EHMT1: variants seen among roughly 807,000 people sequenced by gnomAD.
EHMT1 encodes the protein euchromatic histone lysine methyltransferase 1.
In EHMT1, 15 loss-of-function variants were observed where a neutral mutation model predicts 147.2. That is an observed-to-expected ratio of 0.10 (90% confidence interval 0.07 to 0.16). The LOEUF is 0.16. Among genes scored for constraint, EHMT1 ranks in the 10% least tolerant of loss-of-function variants. The pLI, the probability that EHMT1 is intolerant of heterozygous loss-of-function variation, is 1.00. For synonymous variants in EHMT1, 795 were observed against 709.6 expected (o/e 1.12, Z -1.91); for missense variants, 1,587 against 1,772.4 (o/e 0.90, Z 1.88).
chr9:137,792,937 C>T lies in EHMT1; in HGVS notation c.2505+1967C>T, dbSNP rs758728100. On this transcript the variant is annotated intron_variant, in intron 16 of 26. Transcript: ENST00000460843. Reference sequence around the variant, plus strand: ...AAGACAGCCACCCCCTTGCCTGTCACGCACTCACGTTCGTAGGGAACCTGG... The same window carrying T: ...AAGACAGCCACCCCCTTGCCTGTCATGCACTCACGTTCGTAGGGAACCTGG... 3.3e-5 allele frequency among the ~76,000 whole-genome samples: 5 copies of T among 152,168 alleles called. No individual in the cohort carries two copies. The South Asian group carries it at 6.2e-4, about 19-fold the overall frequency.
intron 15 of EHMT1, chr9:137,784,055 G>C: frequency 1.1e-6 from 1 of 883,212 alleles, no homozygotes; most frequent in South Asian, 1.4e-5. Flanking sequence ...AGCTATAAGA[G>C]AATACTTGAG....
intron 1 of EHMT1, among the ~76,000 whole-genome samples, chr9:137,708,298 G>C (rs2135332028): frequency 6.6e-6 from 1 of 152,342 alleles, no homozygotes; most frequent in Admixed American, 6.5e-5. Context: ...ATAGACATGT[G>C]GTTGGCAAGG....
At chr9:137,812,931 AT>A in intron 19 of EHMT1, 74 bp from the exon 20 acceptor site, 1 of 1,585,760 alleles carries the variant, frequency 6.3e-7, no homozygotes, top group Non-Finnish European at 8.6e-7. Context: ...GATGACGGAC[AT>A]TTTATAAATC....
chr9:137,694,716 C>A (rs535955198), intron 1 of EHMT1, among the ~76,000 whole-genome samples: 1 of 152,202 alleles, frequency 6.6e-6, no homozygotes, highest in African/African-American at 2.4e-5. Flanking sequence ...ACGCGCCTAG[C>A]ACACAGGCAG....
intron 1 of EHMT1, among the ~76,000 whole-genome samples, chr9:137,689,597 G>A (rs1428604739): frequency 6.6e-6 from 1 of 152,188 alleles, no homozygotes; most frequent in Non-Finnish European, 1.5e-5. Flanking sequence ...CAGCTACTCA[G>A]GAGGCTGAGG....
intron 3 of EHMT1, among the ~76,000 whole-genome samples, chr9:137,717,893 C>T (rs1171838698): frequency 4.6e-5 from 7 of 152,208 alleles, no homozygotes; most frequent in South Asian, 2.1e-4. Context: ...AAGTGAGGGG[C>T]AAAGGGCCAC....
rs1027494813 is a variant in EHMT1 at position 137,628,307 on chromosome 9, A to G, written c.21+9258A>G. On this transcript the variant is annotated intron_variant, in intron 1 of 26. Transcript: ENST00000460843. The stretch of plus-strand genomic sequence containing the variant: ...CTTCCTATTTGTGTTCTATTTAGGG[A>G]TTTCACATGTCTTGGGGTTTATGTG... 3.3e-5 allele frequency among the ~76,000 whole-genome samples: 5 copies of G among 151,992 alleles called. No homozygotes were observed. In the East Asian group the frequency reaches 7.7e-4, roughly 23 times the overall value.
At chr9:137,778,242 A>G (rs536838258) in intron 13 of EHMT1, among the ~76,000 whole-genome samples, 187 bp downstream of exon 13, 1 of 152,338 alleles carries the variant, frequency 6.6e-6, no homozygotes, top group Admixed American at 6.5e-5. Context: ...CATTATAGTA[A>G]GAGCAACCTC....
rs149871742 is a variant in EHMT1, at chr9:137,743,970, G to A, written c.1050G>A (p.Glu350=). 22 of 1,613,806 alleles carry A rather than the reference G, an allele frequency of 1.4e-5. No individual in the cohort carries two copies. Among genetic ancestry groups the A allele is most frequent in the Non-Finnish European group, 1.6e-5 (19 of 1,179,952 alleles). ...AGAGCCTGGAGATGGACTCGGATGAGGACGACTCAGAGGAGCTCGAGGAGG... is the reference window on the plus strand; with the variant it reads ...AGAGCCTGGAGATGGACTCGGATGAAGACGACTCAGAGGAGCTCGAGGAGG... ...NGESLEMDSD[E]DDSEELEEDD... is the part of the protein sequence containing the mutation. Residue 350 remains glutamate (E), a synonymous_variant, in exon 6 of 27, where the codon GAG becomes GAA. Transcript: ENST00000460843.
At chr9:137,738,908 G>T (rs1947800696) in intron 4 of EHMT1, 1 of 152,340 alleles carries the variant, frequency 6.6e-6, no homozygotes, top group African/African-American at 2.4e-5. Flanking sequence ...GGAATGGAGA[G>T]TTAGGGCTTA....
chr9:137,648,491 C>CA (rs397720797), intron 1 of EHMT1, among the ~76,000 whole-genome samples: 5,722 of 93,664 alleles, frequency 0.061, 166 homozygotes, highest in Middle Eastern at 0.11. Flanking sequence ...TCCTTCTCTC[C>CA]AAAAAAAAAA....
intron 7 of EHMT1, 25 bp from the exon 8 acceptor site, chr9:137,754,146 T>C: frequency 1.2e-6 from 2 of 1,613,982 alleles, no homozygotes; most frequent in Non-Finnish European, 8.5e-7. Context: ...TAGTGGTTTA[T>C]ATGCCTGCCC....
At chr9:137,698,051 G>C (rs1048555729) in intron 1 of EHMT1, among the ~76,000 whole-genome samples, 1 of 151,934 alleles carries the variant, frequency 6.6e-6, no homozygotes, top group Non-Finnish European at 1.5e-5. Flanking sequence ...TGAGGGCAGC[G>C]TGTGAGGGCG....
At chr9:137,702,725 C>G (rs1018287558) in intron 1 of EHMT1, among the ~76,000 whole-genome samples, 4 of 152,200 alleles carry the variant, frequency 2.6e-5, no homozygotes, top group Non-Finnish European at 5.9e-5. Context: ...CCAGTGGAGA[C>G]TCTATGTGGG....
chr9:137,682,525 C>T (rs1290722487), intron 1 of EHMT1, among the ~76,000 whole-genome samples: 2 of 152,160 alleles, frequency 1.3e-5, no homozygotes, highest in Non-Finnish European at 2.9e-5. Context: ...GCCAGAGTTG[C>T]AGGGCTGTGC....
At chr9:137,697,472 C>T (rs528378372) in intron 1 of EHMT1, among the ~76,000 whole-genome samples, 1 of 152,192 alleles carries the variant, frequency 6.6e-6, no homozygotes, top group Non-Finnish European at 1.5e-5. Flanking sequence ...CAGGGTCATA[C>T]AGTTTACCTA....
rs768149395 is a variant in EHMT1 at position 137,813,471 on chromosome 9, G to A, written c.3121G>A (p.Val1041Ile). The A allele has an allele frequency of 1.7e-5, 28 of 1,613,900 alleles. No individual in the cohort carries two copies. Among genetic ancestry groups the A allele is most frequent in the South Asian group, 3.3e-5 (3 of 91,050 alleles). The change falls in exon 21 of 27, where the codon GTC becomes ATC. Residue 1041 changes from valine (V) to isoleucine (I), a missense_variant. Val to Ile is a conservative substitution (Grantham distance 29). Coordinates refer to ENST00000460843, the MANE Select transcript of EHMT1 (RefSeq NM_024757.5). This position sits in a 1 kb window ranked among gnomAD's most constrained non-coding sequence, Gnocchi z 4.9. ...SEPCPSNYKYVSQNCVTSPMN... is the reference protein window; with the variant it reads ...SEPCPSNYKYISQNCVTSPMN... ...GCCATGCCCCAGCAACTACAAGTAC[G>A]TCTCTCAGAACTGCGTGACGTCCCC... is the stretch of plus-strand genomic sequence containing the variant.
At chr9:137,790,633 G>A (rs1425814418) in intron 15 of EHMT1, among the ~76,000 whole-genome samples, 3 of 152,182 alleles carry the variant, frequency 2.0e-5, no homozygotes, top group Non-Finnish European at 4.4e-5. Context: ...CTTAGAAGTG[G>A]AATGAAATCT....
At position 137,634,707 on chromosome 9, in the gene EHMT1, C is replaced by CTT. The variant is rs200814810; in HGVS notation, c.21+15672_21+15673dup. ...TCTTTCTTTTCTTTCTTTCTTCTTT[C>CTT]TTTTTTTTTTTTTTTGACAGAGTCT... On this transcript the variant is annotated intron_variant, in intron 1 of 26. Coordinates refer to ENST00000460843, the MANE Select transcript of EHMT1 (RefSeq NM_024757.5). Among the ~76,000 whole-genome samples the CTT allele has an allele frequency of 1.5e-4, 19 of 123,488 alleles. 1 individual carries two copies. Among genetic ancestry groups the CTT allele is most frequent in the Non-Finnish European group, 2.1e-4 (12 of 57,144 alleles). The allele number at this position is 123,488 out of a possible 152,430, so 81.0% of individuals were successfully genotyped here. A position where few individuals can be genotyped will look rare whatever the true frequency, so the allele number is the denominator to read the frequency against.
Sources: allele counts gnomAD v4.1 joint callset (sites outside exome capture counted in the v4.1 genomes callset), GRCh38; gene constraint gnomAD v4.1.1; non-coding constraint Gnocchi (gnomAD v3.1); transcripts MANE v1.5; gene names NCBI Gene and HGNC (gene_info 2026-07-23, HGNC 2026-07-21).